The following FBXL17 variants were observed in gnomAD, a reference collection of about 807,000 sequenced individuals.
FBXL17 encodes F-box/LRR-repeat protein 17.
In FBXL17, 22 loss-of-function variants were observed where a neutral mutation model predicts 66.2. The observed-to-expected ratio is 0.33, with a 90% confidence interval of 0.24 to 0.47. The LOEUF is 0.47. Among genes scored for constraint, FBXL17 ranks in the 20% least tolerant of loss-of-function variants. The pLI, the probability that FBXL17 is intolerant of heterozygous loss-of-function variation, is 1.00. For missense variants in FBXL17, 878 were observed against 948.2 expected (o/e 0.93, Z 0.97); for synonymous variants, 474 against 400.5 (o/e 1.18, Z -2.19).
At chr5:108,363,515 T>C (rs1043321356) in intron 3 of FBXL17, among the ~76,000 whole-genome samples, 5 of 151,958 alleles carry the variant, frequency 3.3e-5, no homozygotes, top group African/African-American at 1.2e-4. Context: ...AAACCATAAA[T>C]ATCCGAAGGA....
At chr5:108,179,897 T>C (rs1418623765) in intron 6 of FBXL17, among the ~76,000 whole-genome samples, 1 of 152,102 alleles carries the variant, frequency 6.6e-6, no homozygotes, top group Non-Finnish European at 1.5e-5. Context: ...ATTCTCTGCA[T>C]CTCAATTTTA....
chr5:108,070,160 A>G (rs1360814623), intron 6 of FBXL17, among the ~76,000 whole-genome samples: 1 of 152,200 alleles, frequency 6.6e-6, no homozygotes, highest in Non-Finnish European at 1.5e-5. Flanking sequence ...TGTTCACTCT[A>G]TCATTCCATT....
chr5:107,993,790 T>G (rs1753358714), intron 7 of FBXL17, among the ~76,000 whole-genome samples: 1 of 152,242 alleles, frequency 6.6e-6, no homozygotes. Flanking sequence ...CTAGCCCCAG[T>G]AATTAAGTCA....
At chr5:107,876,486 G>A (rs1454359957) in intron 8 of FBXL17, among the ~76,000 whole-genome samples, 1 of 152,120 alleles carries the variant, frequency 6.6e-6, no homozygotes, top group Non-Finnish European at 1.5e-5. Flanking sequence ...TCATAATTCA[G>A]GCCTGCATCT....
At chr5:107,965,993 A>C (rs543120923) in intron 7 of FBXL17, among the ~76,000 whole-genome samples, 1 of 152,326 alleles carries the variant, frequency 6.6e-6, no homozygotes, top group South Asian at 2.1e-4. Flanking sequence ...TGACTAAAAC[A>C]AACAAAAGGT....
chr5:108,004,300 T>A (rs1753845335), intron 7 of FBXL17, among the ~76,000 whole-genome samples: 1 of 152,186 alleles, frequency 6.6e-6, no homozygotes, highest in Non-Finnish European at 1.5e-5. Context: ...ACGAACACTA[T>A]TTTCCCCATT....
intron 6 of FBXL17, among the ~76,000 whole-genome samples, chr5:108,044,933 T>A (rs1747195688): frequency 6.6e-6 from 1 of 152,158 alleles, no homozygotes; most frequent in African/African-American, 2.4e-5. Flanking sequence ...TGTAGAATTG[T>A]TTATTGTATT....
In FBXL17 at chr5:108,372,526, C is replaced by G. The variant is rs543567463; in HGVS notation, c.994-4573G>C. 3.5e-4 allele frequency among the ~76,000 whole-genome samples: 53 copies of G among 152,176 alleles called. 2 individuals are homozygous for G. In the South Asian group the frequency reaches 0.01, roughly 30 times the overall value. Reference sequence around the variant, plus strand: ...AAAACCGAGAGAACCCTGAAAGCAGCAAGAAAAATGCAACTCGTGAAAAGG... The same window carrying G: ...AAAACCGAGAGAACCCTGAAAGCAGGAAGAAAAATGCAACTCGTGAAAAGG... On this transcript the variant is annotated intron_variant, in intron 1 of 8. Transcript: ENST00000542267.
chr5:108,255,522 C>T (rs968901593), intron 4 of FBXL17, among the ~76,000 whole-genome samples: 1 of 152,108 alleles, frequency 6.6e-6, no homozygotes, highest in Non-Finnish European at 1.5e-5. Context: ...AATTCATCAT[C>T]AATAGGCTTT....
chr5:108,013,812 C>T (rs1754273715), intron 7 of FBXL17, among the ~76,000 whole-genome samples: 1 of 152,102 alleles, frequency 6.6e-6, no homozygotes, highest in South Asian at 2.1e-4. Context: ...CACATCCTCC[C>T]TCAGATATTA....
At chr5:108,274,047 T>C (rs1219246027) in intron 4 of FBXL17, among the ~76,000 whole-genome samples, 2 of 152,050 alleles carry the variant, frequency 1.3e-5, no homozygotes, top group Non-Finnish European at 1.5e-5. Flanking sequence ...CTAATATCTA[T>C]AAGAAAGAAT....
intron 4 of FBXL17, among the ~76,000 whole-genome samples, chr5:108,306,755 T>G (rs1308786656): frequency 6.6e-6 from 1 of 152,072 alleles, no homozygotes; most frequent in African/African-American, 2.4e-5. Flanking sequence ...CAGAGTCATA[T>G]TTTAACTTGG....
At chr5:108,192,687 G>A (rs1263512754) in intron 5 of FBXL17, among the ~76,000 whole-genome samples, 1 of 152,124 alleles carries the variant, frequency 6.6e-6, no homozygotes, top group Non-Finnish European at 1.5e-5. Flanking sequence ...AGCTACTCAG[G>A]AGGCAGAGGC....
At chr5:108,003,052 A>G (rs1293699385) in intron 7 of FBXL17, among the ~76,000 whole-genome samples, 2 of 152,248 alleles carry the variant, frequency 1.3e-5, no homozygotes, top group Non-Finnish European at 2.9e-5. Context: ...TATAATGTAT[A>G]AAGCTGTTTA....
intron 5 of FBXL17, among the ~76,000 whole-genome samples, chr5:108,219,609 C>T (rs1754762625): frequency 6.6e-6 from 1 of 152,056 alleles, no homozygotes; most frequent in South Asian, 2.1e-4. Context: ...ATTGCTTGAA[C>T]CCGAGAGGTG....
intron 4 of FBXL17, among the ~76,000 whole-genome samples, chr5:108,270,083 T>C (rs971339413): frequency 6.6e-6 from 1 of 152,036 alleles, no homozygotes; most frequent in African/African-American, 2.4e-5. Flanking sequence ...AGATTTCAAA[T>C]ATGTAGATTA....
chr5:107,945,361 A>G (rs1751250114), intron 7 of FBXL17, among the ~76,000 whole-genome samples: 1 of 152,164 alleles, frequency 6.6e-6, no homozygotes. Context: ...GGCAATATCT[A>G]GTAAAGTCGA....
chr5:108,374,240 A>G (rs1478206095), intron 1 of FBXL17, among the ~76,000 whole-genome samples: 1 of 152,228 alleles, frequency 6.6e-6, no homozygotes, highest in Non-Finnish European at 1.5e-5. Context: ...AATAGAATAC[A>G]CATTCTTCTG....
intron 1 of FBXL17, among the ~76,000 whole-genome samples, chr5:108,372,891 G>A (rs1004435792): frequency 3.3e-5 from 5 of 152,082 alleles, no homozygotes; most frequent in African/African-American, 1.2e-4. Context: ...ATATTACTGT[G>A]TCTTTGGTTT....
Sources: gnomAD v4.1 joint callset for allele counts (sites outside exome capture counted in the v4.1 genomes callset) on GRCh38, gnomAD v4.1.1 for gene constraint, MANE v1.5 for transcripts, NCBI Gene and HGNC (gene_info 2026-07-23, HGNC 2026-07-21) for gene names.